The following GRID2 variants were observed in gnomAD, a reference collection of about 807,000 sequenced individuals.
GRID2 encodes glutamate ionotropic receptor delta type subunit 2.
In GRID2, 33 loss-of-function variants were observed where a neutral mutation model predicts 114.8. The ratio of observed to expected loss-of-function variants is 0.29; its 90% CI spans 0.22 to 0.38. The LOEUF is 0.38. Among genes scored for constraint, GRID2 ranks in the 10% least tolerant of loss-of-function variants. The probability of loss-of-function intolerance (pLI) is 1.00; values close to 1 mark genes in which losing one functional copy is unlikely to be tolerated. For synonymous variants in GRID2, 505 were observed against 449.9 expected, an observed-to-expected ratio of 1.12 and a Z score of -1.55; for missense variants, 1,184 against 1,257.7, an observed-to-expected ratio of 0.94 and a Z score of 0.89.
intron 1 of GRID2, among the ~76,000 whole-genome samples, chr4:92,344,163 A>C (rs1727649677): frequency 6.6e-6 from 1 of 152,196 alleles, no homozygotes. Context: ...CAATTTTTTT[A>C]ATGCTAAGAT....
intron 1 of GRID2, among the ~76,000 whole-genome samples, chr4:92,411,468 A>G (rs1174551174): frequency 6.6e-6 from 1 of 151,764 alleles, no homozygotes; most frequent in East Asian, 1.9e-4. Flanking sequence ...CTTTATTCTT[A>G]ACGTTCTTTC....
rs147463279 is a variant in GRID2, at chr4:93,081,402, T to C, written c.245-3593T>C. Among the ~76,000 whole-genome samples the C allele has an allele frequency of 2.6e-5, 4 of 152,324 alleles. No individual in the cohort carries two copies. The East Asian group carries it at 7.7e-4, about 29-fold the overall frequency. ...TATTTAGCTTAAGAAATGAAAATGT[T>C]AGTGTACATGAATATATCTTAGCTT... is the stretch of plus-strand genomic sequence containing the variant. On this transcript the variant is annotated intron_variant, in intron 2 of 15. Transcript: ENST00000282020.
intron 4 of GRID2, among the ~76,000 whole-genome samples, chr4:93,151,120 C>CAAAAAAAA (rs3078717): frequency 2.0e-5 from 2 of 102,522 alleles, no homozygotes; most frequent in Non-Finnish European, 4.0e-5. Context: ...TAAGACTCCT[C>CAAAAAAAA]AAAAAAAAAA....
rs1740921458 is a variant in GRID2 at position 93,611,584 on chromosome 4, T to C, written c.2194-14685T>C. On this transcript the variant is annotated intron_variant, in intron 13 of 15. Coordinates refer to ENST00000282020, the MANE Select transcript of GRID2 (RefSeq NM_001510.4). Reference sequence around the variant, plus strand: ...CATTTCATTATGTACCCAGTAGTCATTCAGGAGCAGGTTGTTCAGTTTCCA... The same window carrying C: ...CATTTCATTATGTACCCAGTAGTCACTCAGGAGCAGGTTGTTCAGTTTCCA... Among the ~76,000 whole-genome samples, 2 of 141,350 alleles carry C rather than the reference T, an allele frequency of 1.4e-5. 1 individual carries two copies. Among genetic ancestry groups the C allele is most frequent in the African/African-American group, 5.9e-5 (2 of 34,036 alleles). 92.7% of individuals were successfully genotyped at this position (141,350 alleles called of 152,430 possible).
intron 1 of GRID2, among the ~76,000 whole-genome samples, chr4:92,322,721 T>C (rs1478098957): frequency 1.3e-5 from 2 of 152,160 alleles, no homozygotes; most frequent in African/African-American, 2.4e-5. Context: ...GTATATTCTC[T>C]TTCAATCGCC....
At chr4:92,963,352 C>T (rs1297267435) in intron 2 of GRID2, among the ~76,000 whole-genome samples, 1 of 152,012 alleles carries the variant, frequency 6.6e-6, no homozygotes, top group Non-Finnish European at 1.5e-5. Flanking sequence ...AGTAAATCCT[C>T]TTATCCCTGC....
chr4:92,477,460 C>T (rs1347695469), intron 1 of GRID2, among the ~76,000 whole-genome samples: 4 of 152,002 alleles, frequency 2.6e-5, no homozygotes, highest in Non-Finnish European at 4.4e-5. Context: ...AACACTGTTT[C>T]AGTGATTACT....
chr4:93,635,502 C>G (rs76684233), intron 14 of GRID2, among the ~76,000 whole-genome samples: 1 of 151,676 alleles, frequency 6.6e-6, no homozygotes, highest in African/African-American at 2.4e-5. Context: ...TAATACACAT[C>G]TATTTAGATA....
At chr4:92,318,182 G>A (rs1726098710) in intron 1 of GRID2, among the ~76,000 whole-genome samples, 1 of 151,318 alleles carries the variant, frequency 6.6e-6, no homozygotes, top group Non-Finnish European at 1.5e-5. Context: ...ATTAATAGAG[G>A]GAAAAGGGAA....
At chr4:93,487,350 A>G (rs974891918) in intron 11 of GRID2, among the ~76,000 whole-genome samples, 13 of 151,614 alleles carry the variant, frequency 8.6e-5, no homozygotes, top group African/African-American at 3.1e-4. Flanking sequence ...ATTTTTTTCA[A>G]CTTCTTTAAA....
intron 8 of GRID2, among the ~76,000 whole-genome samples, chr4:93,342,053 C>T (rs1432365417): frequency 3.3e-5 from 5 of 152,066 alleles, no homozygotes; most frequent in Non-Finnish European, 7.4e-5. Flanking sequence ...GTATCCTACC[C>T]CTCTATAATC....
chr4:93,292,638 G>A (rs576658585), intron 8 of GRID2, among the ~76,000 whole-genome samples: 1 of 152,256 alleles, frequency 6.6e-6, no homozygotes, highest in East Asian at 1.9e-4. Flanking sequence ...CCACCAAACT[G>A]TACATAGTGA....
chr4:92,807,563 A>G (rs72663579), intron 2 of GRID2, among the ~76,000 whole-genome samples: 47,080 of 151,776 alleles, frequency 0.31, 7,810 homozygotes, highest in Middle Eastern at 0.52. Flanking sequence ...AATAAAATCT[A>G]TAATATTAAA....
Position 93,291,005 on chromosome 4 carries a change from G to C in GRID2, c.1245+52515G>C, listed in dbSNP as rs902628204. Among the ~76,000 whole-genome samples the C allele has an allele frequency of 2.7e-5, 4 of 150,366 alleles. No homozygotes were observed. In the East Asian group the frequency reaches 8.0e-4, roughly 30 times the overall value. ...CCATTCTCCTGCCTCAGCCTCCTGA[G>C]TAGCTGGGACTACAGGCGCCCACCA... is the stretch of plus-strand genomic sequence containing the variant. On this transcript the variant is annotated intron_variant, in intron 8 of 15. Coordinates refer to ENST00000282020, the MANE Select transcript of GRID2 (RefSeq NM_001510.4).
intron 1 of GRID2, among the ~76,000 whole-genome samples, chr4:92,396,711 T>C (rs1443341753): frequency 6.6e-6 from 1 of 152,044 alleles, no homozygotes; most frequent in Non-Finnish European, 1.5e-5. Context: ...TTTTATGAAA[T>C]TATTTTAATC....
chr4:93,468,848 G>A (rs1174555961), intron 11 of GRID2, among the ~76,000 whole-genome samples: 5 of 152,028 alleles, frequency 3.3e-5, no homozygotes, highest in Non-Finnish European at 7.4e-5. Context: ...CATATTTGAG[G>A]ATTTAATATT....
intron 13 of GRID2, among the ~76,000 whole-genome samples, chr4:93,533,815 T>C (rs1731749457): frequency 6.6e-6 from 1 of 152,134 alleles, no homozygotes; most frequent in Non-Finnish European, 1.5e-5. Flanking sequence ...TTCCTGATTT[T>C]ACTCTACTTT....
At chr4:93,308,444 G>A (rs1368006169) in intron 8 of GRID2, among the ~76,000 whole-genome samples, 1 of 152,134 alleles carries the variant, frequency 6.6e-6, no homozygotes, top group Non-Finnish European at 1.5e-5. Context: ...GATCCTAGCT[G>A]ATTGAACGTC....
intron 8 of GRID2, among the ~76,000 whole-genome samples, chr4:93,281,306 G>A (rs1252174820): frequency 3.3e-5 from 5 of 151,810 alleles, no homozygotes; most frequent in African/African-American, 9.7e-5. Context: ...AAGGTTCTGC[G>A]GTGGCCTAAG....
Sources: allele counts gnomAD v4.1 joint callset (sites outside exome capture counted in the v4.1 genomes callset), GRCh38; gene constraint gnomAD v4.1.1; transcripts MANE v1.5; gene names NCBI Gene and HGNC (gene_info 2026-07-23, HGNC 2026-07-21).